The following ADGRG6 variants were observed in gnomAD, a reference collection of about 807,000 sequenced individuals.
ADGRG6 encodes the protein adhesion G protein-coupled receptor G6.
In ADGRG6, 84 loss-of-function variants were observed where a neutral mutation model predicts 142.4. That is an observed-to-expected ratio of 0.59 (90% confidence interval 0.49 to 0.71). ADGRG6 has a LOEUF of 0.71. ADGRG6 is among the 30% of genes least tolerant of loss of function. The probability of loss-of-function intolerance (pLI) is 0.00; values close to 1 mark genes in which losing one functional copy is unlikely to be tolerated. For missense variants in ADGRG6, 1,367 were observed against 1,466.6 expected (o/e 0.93, Z 1.11); for synonymous variants, 521 against 520.5 (o/e 1.00, Z -0.01).
At chr6:142,407,160 C>T (rs534264898) in intron 15 of ADGRG6, among the ~76,000 whole-genome samples, 1 of 137,612 alleles carries the variant, frequency 7.3e-6, no homozygotes, top group African/African-American at 3.0e-5. Context: ...CATAGTGAGA[C>T]CCGTCTCTTT....
At chr6:142,400,617 T>C in intron 11 of ADGRG6, 21 bp downstream of exon 11, 3 of 1,219,010 alleles carry the variant, frequency 2.5e-6, no homozygotes, top group Non-Finnish European at 3.6e-6. Context: ...CACTGACTCT[T>C]GCCAGCAAAG....
At position 142,400,549 on chromosome 6, in the gene ADGRG6, C is replaced by T. The variant is rs758081876; in HGVS notation, c.1632C>T (p.Tyr544=). The change falls in exon 11 of 25, where the codon TAC becomes TAT. Residue 544 remains tyrosine, a synonymous_variant. Transcript: ENST00000367609. ...YYWPSIQPSE[Y]VLPCPDKPGF... is the part of the protein sequence containing the mutation. ...GGCCATCTATCCAACCTTCTGAATA[C>T]GTTCTTCCTTGTCCAGACAAGCCTG... 4.8e-5 allele frequency: 77 copies of T among 1,607,290 alleles called. No individual in the cohort carries two copies. Among genetic ancestry groups the T allele is most frequent in the South Asian group, 5.5e-5 (5 of 90,814 alleles).
chr6:142,405,283 A>G (rs1170610885), intron 14 of ADGRG6: 1 of 452,590 alleles, frequency 2.2e-6, no homozygotes, highest in Non-Finnish European at 4.4e-6. Context: ...GCAGTCTGAA[A>G]TCAACAAGTT....
chr6:142,305,293 C>T (rs1430262001), intron 1 of ADGRG6, among the ~76,000 whole-genome samples: 5 of 151,964 alleles, frequency 3.3e-5, no homozygotes, highest in African/African-American at 9.7e-5. Flanking sequence ...ATCTACAGGA[C>T]GTTTTCAAAA....
intron 2 of ADGRG6, among the ~76,000 whole-genome samples, chr6:142,322,103 T>A (rs1488122422): frequency 6.6e-6 from 1 of 152,160 alleles, no homozygotes; most frequent in Non-Finnish European, 1.5e-5. Context: ...TTTTCAGTAG[T>A]TAAGAATTTT....
chr6:142,427,776 C>G (rs1777019947), intron 22 of ADGRG6, among the ~76,000 whole-genome samples: 1 of 152,154 alleles, frequency 6.6e-6, no homozygotes, highest in African/African-American at 2.4e-5. Flanking sequence ...GAGGAAATGA[C>G]ATCTTATGTG....
intron 2 of ADGRG6, among the ~76,000 whole-genome samples, chr6:142,315,360 A>G (rs1332572692): frequency 2.7e-5 from 4 of 150,568 alleles, no homozygotes; most frequent in Non-Finnish European, 5.9e-5. Flanking sequence ...CAGTAAGTAA[A>G]GAAGATGGAA....
intron 2 of ADGRG6, among the ~76,000 whole-genome samples, chr6:142,359,097 C>T (rs755254739): frequency 1.3e-5 from 2 of 149,826 alleles, no homozygotes; most frequent in Non-Finnish European, 3.0e-5. Context: ...GTCTCAGCTA[C>T]TCAGGAGACT....
intron 2 of ADGRG6, among the ~76,000 whole-genome samples, chr6:142,319,533 G>T (rs1778416613): frequency 6.6e-6 from 1 of 151,872 alleles, no homozygotes. Context: ...TGTTCCTTTA[G>T]GTTCTTCTGA....
intron 2 of ADGRG6, among the ~76,000 whole-genome samples, chr6:142,318,243 T>C (rs1473752395): frequency 4.8e-4 from 26 of 54,100 alleles, no homozygotes; most frequent in Non-Finnish European, 6.8e-4. Context: ...TATATATATT[T>C]ATATATTATA....
intron 2 of ADGRG6, among the ~76,000 whole-genome samples, chr6:142,363,459 AACTTGT>A (rs1251078476): frequency 1.3e-5 from 2 of 152,224 alleles, no homozygotes; most frequent in Admixed American, 1.3e-4. Context: ...TTGAAAAATA[AACTTGT>A]AAAAATACGC....
In ADGRG6 at chr6:142,417,368, T is replaced by A. The variant is rs1260638094; in HGVS notation, c.3034T>A (p.Phe1012Ile). The A allele has an allele frequency of 6.8e-7, 1 of 1,461,912 alleles. No homozygotes were observed. The highest frequency in any genetic ancestry group is 9.6e-7 in the Non-Finnish European group (1 of 1,046,818). 90.6% of individuals were successfully genotyped at this position (1,461,912 alleles called of 1,614,324 possible). A position where few individuals can be genotyped will look rare whatever the true frequency, so the allele number is the denominator to read the frequency against. The part of the protein sequence containing the change: ...ESYGKEKGDE[F>I]CWIQDPVIFY... The stretch of plus-strand genomic sequence containing the variant: ...TTATGGGAAAGAAAAAGGTGATGAA[T>A]TGTAAGTAATAAAAACTTTTTGTGA... Residue 1012 changes from phenylalanine to isoleucine, a missense_variant and splice_region_variant, in exon 21 of 25, where the codon TTC (phenylalanine) becomes ATC (isoleucine). Phe to Ile is a conservative substitution (Grantham distance 21). Coordinates refer to ENST00000367609, the MANE Select transcript of ADGRG6 (RefSeq NM_198569.3).
At chr6:142,424,559 T>TGGG (rs1191981228) in intron 22 of ADGRG6, among the ~76,000 whole-genome samples, 2 of 148,306 alleles carry the variant, frequency 1.3e-5, no homozygotes, top group African/African-American at 5.0e-5. Flanking sequence ...GATGTGCTGC[T>TGGG]GGATTCGGTT....
At chr6:142,386,611 G>A (rs1782037615) in intron 6 of ADGRG6, among the ~76,000 whole-genome samples, 1 of 152,148 alleles carries the variant, frequency 6.6e-6, no homozygotes, top group African/African-American at 2.4e-5. Flanking sequence ...TCACCAATAT[G>A]GGGGTTTGCC....
intron 9 of ADGRG6, 51 bp downstream of exon 9, chr6:142,394,009 T>G (rs1369053003): frequency 3.6e-6 from 4 of 1,102,748 alleles, no homozygotes; most frequent in Non-Finnish European, 5.4e-6. Context: ...TCTTGCTCAC[T>G]ACTTTATCTG....
chr6:142,382,041 C>G (rs762091091), intron 5 of ADGRG6, 22 bp downstream of exon 5: 13 of 1,470,986 alleles, frequency 8.8e-6, no homozygotes, highest in Non-Finnish European at 1.1e-5. Flanking sequence ...ACACCGTGCT[C>G]TGGAATCTCT....
chr6:142,322,826 C>T (rs893369495), intron 2 of ADGRG6, among the ~76,000 whole-genome samples: 1 of 151,996 alleles, frequency 6.6e-6, no homozygotes, highest in African/African-American at 2.4e-5. Flanking sequence ...AGTGATTTGT[C>T]CTCATTTCAC....
chr6:142,308,519 G>A (rs183302090), intron 1 of ADGRG6, among the ~76,000 whole-genome samples: 3 of 151,972 alleles, frequency 2.0e-5, no homozygotes, highest in East Asian at 3.9e-4. Flanking sequence ...CAAACTGCAG[G>A]CTTTAGGGTA....
intron 9 of ADGRG6, 81 bp from the exon 10 acceptor site, chr6:142,397,532 A>C (rs544895942): frequency 1.5e-6 from 2 of 1,323,354 alleles, no homozygotes; most frequent in Non-Finnish European, 2.1e-6. Flanking sequence ...ATCCCTCTAC[A>C]TCCAAATACT....
Sources: gnomAD v4.1 joint callset for allele counts (sites outside exome capture counted in the v4.1 genomes callset) on GRCh38, gnomAD v4.1.1 for gene constraint, MANE v1.5 for transcripts, NCBI Gene and HGNC (gene_info 2026-07-23, HGNC 2026-07-21) for gene names.